POLR3D: variants seen among roughly 807,000 people sequenced by gnomAD.
POLR3D encodes the protein RNA polymerase III subunit D, also known as DNA-directed RNA polymerase III subunit RPC4.
In POLR3D, 42 loss-of-function variants were observed where a neutral mutation model predicts 44.5. The ratio of observed to expected loss-of-function variants is 0.94; its 90% CI spans 0.74 to 1.22. The LOEUF is 1.22. Ranked by LOEUF, POLR3D falls within the 50% of genes most tolerant of loss-of-function variation. POLR3D has a pLI of 0.00. For missense variants in POLR3D, 507 were observed against 505.2 expected (o/e 1.00, Z -0.03); for synonymous variants, 217 against 198.1 (o/e 1.10, Z -0.80).
Position 22,250,930 on chromosome 8 carries a change from A to G in POLR3D, c.*412A>G. The G allele has an allele frequency of 4.5e-6, 1 of 221,946 alleles. No individual in the cohort carries two copies. Among genetic ancestry groups the G allele is most frequent in the Non-Finnish European group, 9.3e-6 (1 of 107,430 alleles). 13.7% of individuals were successfully genotyped at this position (221,946 alleles called of 1,614,324 possible). A position where few individuals can be genotyped will look rare whatever the true frequency, so the allele number is the denominator to read the frequency against. ...CCCGTCCTCCTGGAGGCAGTATAGG[A>G]GAGAGAGCAAGGATTGAGTCTGAGA... On this transcript the variant is annotated 3_prime_UTR_variant, in exon 9 of 9. Transcript: ENST00000306433.
chr8:22,248,425 A>G (rs1429040042), intron 5 of POLR3D, 56 bp from the exon 6 acceptor site: 20 of 1,592,454 alleles, frequency 1.3e-5, no homozygotes, highest in Non-Finnish European at 1.7e-5. Context: ...ACTAAAGCAG[A>G]CTTTGATCCA....
rs905822919 is a variant in POLR3D, at chr8:22,250,842, C to T, written c.*324C>T. 1 of 325,876 alleles carries T rather than the reference C, an allele frequency of 3.1e-6. No homozygotes were observed. Among genetic ancestry groups the T allele is most frequent in the East Asian group, 7.0e-5 (1 of 14,326 alleles). The allele number at this position is 325,876 out of a possible 1,614,324, so 20.2% of individuals were successfully genotyped here. A position where few individuals can be genotyped will look rare whatever the true frequency, so the allele number is the denominator to read the frequency against. On this transcript the variant is annotated 3_prime_UTR_variant, in exon 9 of 9. Transcript: ENST00000306433. ...GGTCTGTGTGAAGGGGCCGGCTTCT[C>T]TTGGTGCCTGCTGGGTTGCAGGGGC...
In POLR3D at chr8:22,248,705, C is replaced by G. The variant is rs556699522; in HGVS notation, c.655+56C>G. The G allele has an allele frequency of 2.6e-6, 4 of 1,529,186 alleles. No homozygotes were observed. In the East Asian group the frequency reaches 9.0e-5, roughly 34 times the overall value. 94.7% of individuals were successfully genotyped at this position (1,529,186 alleles called of 1,614,324 possible). A position where few individuals can be genotyped will look rare whatever the true frequency, so the allele number is the denominator to read the frequency against. ...TTCCATGGCTGCTCCCCAGGAATCC[C>G]GTGCATCAGGCATCCCTTGCATGTG... On this transcript the variant is annotated intron_variant, in intron 6 of 8. Transcript: ENST00000306433.
At chr8:22,245,348 A>C in intron 1 of POLR3D, 97 bp from the exon 2 acceptor site, 1 of 870,846 alleles carries the variant, frequency 1.1e-6, no homozygotes, top group Non-Finnish European at 1.6e-6. Context: ...CACTGGAGGG[A>C]CGCACCGACT....
In POLR3D at chr8:22,245,504, C is replaced by T; in HGVS notation, c.55C>T (p.Leu19Phe). Residue 19 changes from leucine (L) to phenylalanine (F), a missense_variant, in exon 2 of 9, where the codon CTC becomes TTC. Transcript: ENST00000306433. Reference protein sequence around the residue: ...EPSTPGGPRPLLTGARGLIGR... With the variant: ...EPSTPGGPRPFLTGARGLIGR... ...CAGCACGCCGGGAGGGCCCCGACCT[C>T]TCCTGACTGGGGCCCGGGGGCTCAT... 7.7e-7 allele frequency: 1 copy of T among 1,295,970 alleles called. No homozygotes were observed. The highest frequency in any genetic ancestry group is 9.9e-7 in the Non-Finnish European group (1 of 1,014,466). 80.3% of individuals were successfully genotyped at this position (1,295,970 alleles called of 1,614,324 possible). A position where few individuals can be genotyped will look rare whatever the true frequency, so the allele number is the denominator to read the frequency against.
chr8:22,248,294 C>T lies in POLR3D; in HGVS notation c.486+16C>T. The T allele has an allele frequency of 6.2e-7, 1 of 1,612,202 alleles. No homozygotes were observed. Among genetic ancestry groups the T allele is most frequent in the African/African-American group, 1.3e-5 (1 of 74,994 alleles). The stretch of plus-strand genomic sequence containing the variant: ...GAAGGACGATGTGGGTACCAGGAGG[C>T]TGGGGGAAGGGGTTTCCTTGTGGCT... On this transcript the variant is annotated intron_variant, in intron 5 of 8. Transcript: ENST00000306433.
chr8:22,249,156 G>A lies in POLR3D; in HGVS notation c.768G>A (p.Arg256=). ...PKDVSVAELL[R]ELSLTKEEEL... ...ATGTATCTGTGGCAGAGCTGCTGAG[G>A]GAGCTGAGCCTCACCAAGGAAGAGG... The change falls in exon 7 of 9, where the codon AGG becomes AGA. Residue 256 remains arginine (R), a synonymous_variant. Transcript: ENST00000306433. The A allele has an allele frequency of 6.2e-7, 1 of 1,614,084 alleles. No individual in the cohort carries two copies. The highest frequency in any genetic ancestry group is 8.5e-7 in the Non-Finnish European group (1 of 1,180,008).
chr8:22,249,801 G>A (rs1363265259), intron 7 of POLR3D, among the ~76,000 whole-genome samples: 2 of 152,174 alleles, frequency 1.3e-5, no homozygotes, highest in African/African-American at 2.4e-5. Flanking sequence ...CAACCTTGGC[G>A]ACAGAGTCAG....
rs759568597 is a variant in POLR3D, at chr8:22,247,920, G to A, written c.273G>A (p.Glu91=). The part of the protein sequence containing the change: ...KRERDRDRQR[E]GHGRGRGRPE... ...AAAGGGACAGAGACCGACAACGAGA[G>A]GGGCATGGACGAGGGCGAGGCCGTC... is the stretch of plus-strand genomic sequence containing the variant. The change falls in exon 4 of 9, where the codon GAG becomes GAA. Residue 91 remains glutamate (E), a synonymous_variant. Coordinates refer to ENST00000306433, the MANE Select transcript of POLR3D (RefSeq NM_001722.3). The A allele has an allele frequency of 3.1e-5, 50 of 1,614,064 alleles. No homozygotes were observed. The highest frequency in any genetic ancestry group is 5.3e-5 in the African/African-American group (4 of 74,934).
intron 2 of POLR3D, 127 bp from the exon 3 acceptor site, chr8:22,247,094 G>A (rs2131947991): frequency 1.5e-6 from 1 of 678,370 alleles, no homozygotes; most frequent in Non-Finnish European, 2.7e-6. Context: ...TGACAGCACT[G>A]TGGAATGTGC....
chr8:22,248,133 G>A, intron 4 of POLR3D, 21 bp from the exon 5 acceptor site: 1 of 1,613,600 alleles, frequency 6.2e-7, no homozygotes. Flanking sequence ...GATCCCTAGT[G>A]ACCTGGGTGA....
Position 22,248,485 on chromosome 8 carries a change from T to C in POLR3D, c.491T>C (p.Leu164Pro). 6.2e-7 allele frequency: 1 copy of C among 1,613,896 alleles called. No individual in the cohort carries two copies. Among genetic ancestry groups the C allele is most frequent in the Middle Eastern group, 1.7e-4 (1 of 6,060 alleles). ...GACCCAGACTCTCTTTGGCAGTTCC[T>C]CGATGACCCCGGCCTGAGGAACGAC... The part of the protein sequence containing the change: ...ILRMLEKDDF[L>P]DDPGLRNDTR... The change falls in exon 6 of 9, where the codon CTC (leucine) becomes CCC (proline). Residue 164 changes from leucine (L) to proline (P), a missense_variant. By Grantham distance (98) the Leu-to-Pro change is moderately conservative. Coordinates refer to ENST00000306433, the MANE Select transcript of POLR3D (RefSeq NM_001722.3).
rs1168097057 is a variant in POLR3D at position 22,248,657 on chromosome 8, G to C, written c.655+8G>C. The C allele has an allele frequency of 1.2e-6, 2 of 1,608,904 alleles. No homozygotes were observed. The highest frequency in any genetic ancestry group is 2.7e-5 in the African/African-American group (2 of 74,792). ...ACATACCTGCTGTGAAAGGTACTCT[G>C]TCGGTTAACTTCTCATCTCCAATTC... On this transcript the variant is annotated splice_region_variant and intron_variant, in intron 6 of 8. Coordinates refer to ENST00000306433, the MANE Select transcript of POLR3D (RefSeq NM_001722.3).
In POLR3D at chr8:22,251,439, G is replaced by A. The variant is rs1830104947; in HGVS notation, c.*921G>A. 6.5e-6 allele frequency: 1 copy of A among 153,722 alleles called. No homozygotes were observed. Among genetic ancestry groups the A allele is most frequent in the South Asian group, 2.1e-4 (1 of 4,826 alleles). 9.5% of individuals were successfully genotyped at this position (153,722 alleles called of 1,614,324 possible). ...CCAGCACCCTACAAAAGCCTTTGGG[G>A]GACATGTTGGGCCCAGGACATGTTC... On this transcript the variant is annotated 3_prime_UTR_variant, in exon 9 of 9. Coordinates refer to ENST00000306433, the MANE Select transcript of POLR3D (RefSeq NM_001722.3).
At chr8:22,249,969 C>T (rs1830086498) in intron 7 of POLR3D, 106 bp from the exon 8 acceptor site, 1 of 1,287,016 alleles carries the variant, frequency 7.8e-7, no homozygotes, top group Non-Finnish European at 1.1e-6. Flanking sequence ...TTGGGGAGCT[C>T]ATTTTGACCT....
At chr8:22,247,334 T>C in intron 3 of POLR3D, 70 bp downstream of exon 3, 4 of 1,204,852 alleles carry the variant, frequency 3.3e-6, no homozygotes, top group Non-Finnish European at 4.9e-6. Flanking sequence ...TTGGGGGAAA[T>C]AACTAGGTTT....
Position 22,254,318 on chromosome 8 carries a change from T to A in POLR3D, c.*3800T>A, listed in dbSNP as rs1049153306. Reference sequence around the variant, plus strand: ...TTTCAGCCTCCAAAATTTTGTATGTTATTTATAATGATATAAATTATGTGG... The same window carrying A: ...TTTCAGCCTCCAAAATTTTGTATGTAATTTATAATGATATAAATTATGTGG... On this transcript the variant is annotated 3_prime_UTR_variant, in exon 9 of 9. Transcript: ENST00000306433. The A allele has an allele frequency of 5.3e-5, 8 of 152,362 alleles. No homozygotes were observed. Among genetic ancestry groups the A allele is most frequent in the Non-Finnish European group, 8.8e-5 (6 of 68,042 alleles). 9.4% of individuals were successfully genotyped at this position (152,362 alleles called of 1,614,324 possible).
At position 22,248,580 on chromosome 8, in the gene POLR3D, C is replaced by G; in HGVS notation, c.586C>G (p.Pro196Ala). ...GWLFKEENDE[P>A]DVKPWLAGPK... The stretch of plus-strand genomic sequence containing the variant: ...GCTTTTTAAGGAAGAAAATGACGAA[C>G]CAGATGTTAAACCTTGGCTGGCTGG... Residue 196 changes from proline to alanine, a missense_variant, in exon 6 of 9, where the codon CCA (proline) becomes GCA (alanine). Coordinates refer to ENST00000306433, the MANE Select transcript of POLR3D (RefSeq NM_001722.3). 6.2e-7 allele frequency: 1 copy of G among 1,614,126 alleles called. No homozygotes were observed. Among genetic ancestry groups the G allele is most frequent in the Non-Finnish European group, 8.5e-7 (1 of 1,180,022 alleles).
chr8:22,246,479 T>C (rs2131947612), intron 2 of POLR3D, among the ~76,000 whole-genome samples: 1 of 140,768 alleles, frequency 7.1e-6, no homozygotes, highest in Admixed American at 7.2e-5. Context: ...GGAATCTCTT[T>C]CTGTCGCCCA....
Sources: gnomAD v4.1 joint callset for allele counts (sites outside exome capture counted in the v4.1 genomes callset) on GRCh38, gnomAD v4.1.1 for gene constraint, MANE v1.5 for transcripts, NCBI Gene and HGNC (gene_info 2026-07-23, HGNC 2026-07-21) for gene names.